The following RTTN variants were observed in gnomAD, a reference collection of about 807,000 sequenced individuals.
The protein encoded by RTTN is rotatin.
A neutral mutation model predicts 269.2 loss-of-function variants in RTTN; 182 were observed. That is an observed-to-expected ratio of 0.68 (90% CI 0.60 to 0.76). The LOEUF is 0.76. Ranked by LOEUF, RTTN falls within the 30% of genes least tolerant of loss-of-function variation. The pLI, the probability that RTTN is intolerant of heterozygous loss-of-function variation, is 0.00. For missense variants in RTTN, 2,545 were observed against 2,608.6 expected (o/e 0.98, Z 0.53); for synonymous variants, 1,006 against 963.5 (o/e 1.04, Z -0.82).
intron 27 of RTTN, among the ~76,000 whole-genome samples, chr18:70,110,495 G>A (rs1417994334): frequency 3.9e-5 from 6 of 152,096 alleles, no homozygotes; most frequent in African/African-American, 7.2e-5. Flanking sequence ...AAGGGAAGCC[G>A]TGACAGACTG....
chr18:70,016,882 A>G (rs1340534650), intron 46 of RTTN, among the ~76,000 whole-genome samples: 4 of 152,086 alleles, frequency 2.6e-5, no homozygotes, highest in African/African-American at 4.8e-5. Context: ...CTTACCTTCT[A>G]GTGTGGGAAG....
At chr18:70,179,629 T>C (rs1206838336) in intron 10 of RTTN, among the ~76,000 whole-genome samples, 2 of 152,204 alleles carry the variant, frequency 1.3e-5, no homozygotes, top group Admixed American at 6.5e-5. Flanking sequence ...AGGATACTCA[T>C]AGTTTTTACA....
At chr18:70,061,810 G>T (rs554215770) in intron 35 of RTTN, among the ~76,000 whole-genome samples, 63 of 152,128 alleles carry the variant, frequency 4.1e-4, no homozygotes, top group Non-Finnish European at 8.5e-4. Flanking sequence ...CTCCAGCCTG[G>T]ATGACAGAAT....
At chr18:70,063,689 T>A (rs1419191300) in intron 35 of RTTN, among the ~76,000 whole-genome samples, 1 of 152,372 alleles carries the variant, frequency 6.6e-6, no homozygotes, top group Non-Finnish European at 1.5e-5. Flanking sequence ...ATGTATTACA[T>A]ATCTTCAGCA....
intron 10 of RTTN, among the ~76,000 whole-genome samples, chr18:70,187,827 G>A (rs562056023): frequency 5.2e-4 from 79 of 152,174 alleles, no homozygotes; most frequent in African/African-American, 1.8e-3. Flanking sequence ...TTAAAAATAC[G>A]TATTTCCTAA....
intron 28 of RTTN, among the ~76,000 whole-genome samples, chr18:70,104,693 G>T (rs913260551): frequency 8.5e-5 from 13 of 152,204 alleles, no homozygotes; most frequent in Non-Finnish European, 4.4e-5. Flanking sequence ...TGTCCTTTCT[G>T]TTTGTTAGTT....
chr18:70,029,077 G>A (rs1286459757), intron 42 of RTTN, among the ~76,000 whole-genome samples: 1 of 151,528 alleles, frequency 6.6e-6, no homozygotes, highest in Non-Finnish European at 1.5e-5. Flanking sequence ...AATAAAGTGA[G>A]GCAGATACTG....
chr18:70,127,565 T>G lies in RTTN; in HGVS notation c.3320A>C (p.Lys1107Thr). 1 of 1,613,538 alleles carries G rather than the reference T, an allele frequency of 6.2e-7. No homozygotes were observed. Among genetic ancestry groups the G allele is most frequent in the Non-Finnish European group, 8.5e-7 (1 of 1,179,708 alleles). The stretch of plus-strand genomic sequence containing the variant: ...AACCCCACATGGACCAGGGCAACCC[T>G]TTAAAGACAATCTGTCATTCAGAAG... The part of the protein sequence containing the change: ...FYLLNDRLSL[K>T]GCPGPCGVTL... Residue 1107 changes from lysine to threonine, a missense_variant, in exon 25 of 49, where the codon AAG becomes ACG. Physicochemically the swap from Lys to Thr is moderately conservative, Grantham distance 78 (BLOSUM62 -1). Coordinates refer to ENST00000640769, the MANE Select transcript of RTTN (RefSeq NM_173630.4).
rs114195069 is a variant in RTTN, at chr18:70,137,941, C to T, written c.2788+1658G>A. 4.6e-3 allele frequency among the ~76,000 whole-genome samples: 693 copies of T among 152,240 alleles called. 7 individuals carry two copies. The highest frequency in any genetic ancestry group is 0.016 in the African/African-American group (654 of 41,538). ...TAGCACAAAGCATGTGCTTAATAAA[C>T]GTTTGCTGAGAAATGGGTTTTCTTG... On this transcript the variant is annotated intron_variant, in intron 21 of 48. Coordinates refer to ENST00000640769, the MANE Select transcript of RTTN (RefSeq NM_173630.4).
At chr18:70,167,479 C>T (rs1217379056) in intron 12 of RTTN, among the ~76,000 whole-genome samples, 4 of 152,108 alleles carry the variant, frequency 2.6e-5, no homozygotes, top group South Asian at 2.1e-4. Context: ...CCCAGCACTT[C>T]GGGAGGCCGA....
intron 46 of RTTN, chr18:70,008,322 A>G (rs1336194487): frequency 6.6e-6 from 1 of 152,186 alleles, no homozygotes; most frequent in African/African-American, 2.4e-5. Context: ...AAGGATGAAA[A>G]TTCCCAAAAC....
At chr18:70,186,999 C>T (rs931004555) in intron 10 of RTTN, among the ~76,000 whole-genome samples, 2 of 152,182 alleles carry the variant, frequency 1.3e-5, no homozygotes, top group Non-Finnish European at 2.9e-5. Context: ...TGCACACGTA[C>T]CGCTGAAGCT....
At chr18:70,088,925 A>C (rs936864558) in intron 30 of RTTN, among the ~76,000 whole-genome samples, 1 of 152,228 alleles carries the variant, frequency 6.6e-6, no homozygotes, top group African/African-American at 2.4e-5. Flanking sequence ...TTGTATTGTA[A>C]TGCAAATGCA....
chr18:70,042,768 C>A (rs1306690367), intron 40 of RTTN, among the ~76,000 whole-genome samples: 1 of 152,178 alleles, frequency 6.6e-6, no homozygotes, highest in African/African-American at 2.4e-5. Flanking sequence ...ATCCAGAATT[C>A]TCACTAGCCT....
At chr18:70,065,744 T>G in intron 35 of RTTN, 85 bp downstream of exon 35, 3 of 824,424 alleles carry the variant, frequency 3.6e-6, no homozygotes, top group Non-Finnish European at 5.6e-6. Context: ...AATTTTGTTC[T>G]TTAGACATTT....
At chr18:70,192,686 A>T (rs957445776) in intron 8 of RTTN, among the ~76,000 whole-genome samples, 2 of 151,840 alleles carry the variant, frequency 1.3e-5, no homozygotes, top group African/African-American at 4.8e-5. Context: ...AAAAAAAAAA[A>T]AAAGAAAAAA....
In RTTN at chr18:70,190,587, G is replaced by C. The variant is rs1470913932; in HGVS notation, c.1140C>G (p.Pro380=). 1 of 1,613,738 alleles carries C rather than the reference G, an allele frequency of 6.2e-7. No individual in the cohort carries two copies. Among genetic ancestry groups the C allele is most frequent in the Admixed American group, 1.7e-5 (1 of 60,002 alleles). The change falls in exon 9 of 49, where the codon CCC becomes CCG. Residue 380 remains proline, a synonymous_variant. Coordinates refer to ENST00000640769, the MANE Select transcript of RTTN (RefSeq NM_173630.4). ...LELQFQQLSL[P]QFCVSILESA... is the part of the protein sequence containing the mutation. Reference sequence around the variant, plus strand: ...ATTCCAGAATGGAGACACAAAACTGGGGAAGACTGAGCTGCTGGAATTGTA... The same window carrying C: ...ATTCCAGAATGGAGACACAAAACTGCGGAAGACTGAGCTGCTGGAATTGTA...
At position 70,204,166 on chromosome 18, in the gene RTTN, T is replaced by C; in HGVS notation, c.317A>G (p.Asp106Gly). The part of the protein sequence containing the change: ...NVEPNLQAEI[D>G]GILDGLFLLP... ...AAGAAAAAGTCCATCCAGAATGCCA[T>C]CAATTTCAGCCTGCAGATTTGGCTC... The change falls in exon 3 of 49, where the codon GAT becomes GGT. Residue 106 changes from aspartate to glycine, a missense_variant. Physicochemically the swap from Asp to Gly is moderately conservative, Grantham distance 94 (BLOSUM62 -1). Transcript: ENST00000640769. The C allele has an allele frequency of 6.2e-7, 1 of 1,614,086 alleles. No individual in the cohort carries two copies. The highest frequency in any genetic ancestry group is 8.5e-7 in the Non-Finnish European group (1 of 1,179,986).
rs146502895 is a variant in RTTN at position 70,121,116 on chromosome 18, T to C, written c.3528+440A>G. 3.3e-5 allele frequency among the ~76,000 whole-genome samples: 5 copies of C among 152,208 alleles called. No homozygotes were observed. In the East Asian group the frequency reaches 7.7e-4, roughly 24 times the overall value. On this transcript the variant is annotated intron_variant, in intron 26 of 48. Transcript: ENST00000640769. ...CTAAAAATCTGACAGTAGTGGGGGC[T>C]AGAAGGGTAAATATTCCAGTAACCG...
Sources: allele counts gnomAD v4.1 joint callset (sites outside exome capture counted in the v4.1 genomes callset), GRCh38; gene constraint gnomAD v4.1.1; transcripts MANE v1.5; gene names NCBI Gene and HGNC (gene_info 2026-07-23, HGNC 2026-07-21).